Variants in YES1 observed in about 807,000 individuals in gnomAD.
YES1 encodes the protein YES proto-oncogene 1, Src family tyrosine kinase, also known as tyrosine-protein kinase Yes.
Under a neutral mutation model 70.4 loss-of-function variants are expected in YES1, and 39 were observed. That is an observed-to-expected ratio of 0.55 (90% CI 0.43 to 0.72). YES1 has a LOEUF of 0.72. Ranked by LOEUF, YES1 falls within the 30% of genes least tolerant of loss-of-function variation. The probability of loss-of-function intolerance (pLI) is 0.00; values close to 1 mark genes in which losing one functional copy is unlikely to be tolerated. For missense variants in YES1, 495 were observed against 644.8 expected (o/e 0.77, Z 2.52); for synonymous variants, 198 against 218.6 (o/e 0.91, Z 0.83).
chr18:756,582 T>C lies in YES1; in HGVS notation c.246A>G (p.Pro82=), dbSNP rs1233745586. Residue 82 remains proline (P), a synonymous_variant, in exon 2 of 12, where the codon CCA becomes CCG. Coordinates refer to ENST00000314574, the MANE Select transcript of YES1 (RefSeq NM_005433.4). ...CTGTTAAACCAGCAGGATATGAACTTGGCACCACTGAAAATGAGGAAGATG... is the reference window on the plus strand; with the variant it reads ...CTGTTAAACCAGCAGGATATGAACTCGGCACCACTGAAAATGAGGAAGATG... ...GGASSSFSVV[P]SSYPAGLTGG... 1 of 1,614,092 alleles carries C rather than the reference T, an allele frequency of 6.2e-7. No homozygotes were observed. The highest frequency in any genetic ancestry group is 1.3e-5 in the African/African-American group (1 of 74,934).
intron 1 of YES1, among the ~76,000 whole-genome samples, chr18:762,557 CATTT>C (rs1904646746): frequency 6.6e-6 from 1 of 151,942 alleles, no homozygotes; most frequent in Non-Finnish European, 1.5e-5. Flanking sequence ...AAAAATAAAA[CATTT>C]ATATGGAAAA....
intron 1 of YES1, among the ~76,000 whole-genome samples, chr18:765,919 T>G (rs8093865): frequency 0.39 from 58,561 of 152,044 alleles, 12,854 homozygotes; most frequent in African/African-American, 0.6. Flanking sequence ...TGAAGAATAA[T>G]AAGTGAGCCA....
intron 1 of YES1, among the ~76,000 whole-genome samples, chr18:765,954 T>G (rs1904888477): frequency 6.6e-6 from 1 of 152,208 alleles, no homozygotes; most frequent in Non-Finnish European, 1.5e-5. Flanking sequence ...CTTTGGAATA[T>G]CTTCATAAGT....
At chr18:757,311 G>C (rs184463769) in intron 1 of YES1, among the ~76,000 whole-genome samples, 1 of 151,748 alleles carries the variant, frequency 6.6e-6, no homozygotes, top group South Asian at 2.1e-4. Flanking sequence ...AGACCATCCT[G>C]GCTAACACGG....
chr18:748,917 T>C (rs1306309532), intron 3 of YES1, among the ~76,000 whole-genome samples: 1 of 152,128 alleles, frequency 6.6e-6, no homozygotes, highest in Non-Finnish European at 1.5e-5. Flanking sequence ...TCCCAGCACT[T>C]TGGGAGGCTG....
chr18:759,985 T>C (rs972969679), intron 1 of YES1, among the ~76,000 whole-genome samples: 19 of 151,990 alleles, frequency 1.3e-4, no homozygotes, highest in Non-Finnish European at 1.9e-4. Context: ...TTGTGATAGT[T>C]TGCTCAGAAT....
chr18:754,586 T>A (rs933749379), intron 2 of YES1, among the ~76,000 whole-genome samples: 5 of 151,890 alleles, frequency 3.3e-5, no homozygotes, highest in Non-Finnish European at 7.4e-5. Flanking sequence ...TGTTTGTTTC[T>A]TGTTATCTCA....
upstream of YES1, chr18:812,500 T>C (rs1254645888): frequency 6.6e-6 from 1 of 152,184 alleles, no homozygotes; most frequent in Non-Finnish European, 1.5e-5. Context: ...CCGGGCCGCT[T>C]TGCTGTGGTC....
chr18:759,451 GAACGAAACTCCGTCTCAAA>G (rs1232744770), intron 1 of YES1, among the ~76,000 whole-genome samples: 1 of 152,116 alleles, frequency 6.6e-6, no homozygotes, highest in African/African-American at 2.4e-5. Flanking sequence ...TGGGCGACAA[GAACGAAACTCCGTCTCAAA>G]AAACAAACAA....
At chr18:748,962 A>T (rs2080311023) in intron 3 of YES1, among the ~76,000 whole-genome samples, 1 of 152,052 alleles carries the variant, frequency 6.6e-6, no homozygotes. Context: ...AGAGTTCAAG[A>T]CCAGTCTGGT....
intron 1 of YES1, among the ~76,000 whole-genome samples, chr18:809,959 C>G (rs150513863): frequency 3.9e-5 from 6 of 152,090 alleles, no homozygotes; most frequent in African/African-American, 1.2e-4. Flanking sequence ...CTTCATAGAA[C>G]CACAGGTATT....
intron 10 of YES1, among the ~76,000 whole-genome samples, chr18:734,367 A>G (rs2080127200): frequency 6.6e-6 from 1 of 151,640 alleles, no homozygotes; most frequent in Non-Finnish European, 1.5e-5. Context: ...ATCCTGGCTA[A>G]TACGGTAAAA....
At chr18:728,999 G>T (rs1191602243) in intron 11 of YES1, among the ~76,000 whole-genome samples, 1 of 152,084 alleles carries the variant, frequency 6.6e-6, no homozygotes, top group Non-Finnish European at 1.5e-5. Flanking sequence ...ATATTTAGAA[G>T]ATTTTTAGCC....
chr18:758,031 C>T (rs1356874359), intron 1 of YES1, among the ~76,000 whole-genome samples: 1 of 151,870 alleles, frequency 6.6e-6, no homozygotes, highest in Non-Finnish European at 1.5e-5. Flanking sequence ...AGGACTATGT[C>T]AACAGAAATA....
Position 756,654 on chromosome 18 carries a change from G to A in YES1, c.174C>T (p.Ser58=). 2 of 1,614,170 alleles carry A rather than the reference G, an allele frequency of 1.2e-6. No homozygotes were observed. The highest frequency in any genetic ancestry group is 1.7e-6 in the Non-Finnish European group (2 of 1,180,030). The change falls in exon 2 of 12, where the codon TCC becomes TCT. Residue 58 remains serine (S), a synonymous_variant. Transcript: ENST00000314574. ...CTGAGGATCCTCCAAATGGTGTCAT[G>A]GAAAGACTGCTGAAATTAACTGCTG... The part of the protein sequence containing the change: ...KGTAVNFSSL[S]MTPFGGSSGV...
intron 11 of YES1, among the ~76,000 whole-genome samples, chr18:732,317 G>A (rs1441493929): frequency 6.6e-6 from 1 of 151,046 alleles, no homozygotes; most frequent in African/African-American, 2.4e-5. Context: ...GTGGGTGCCT[G>A]TAATCCCAGC....
intron 2 of YES1, among the ~76,000 whole-genome samples, chr18:753,089 T>TA (rs2080362769): frequency 6.6e-6 from 1 of 152,184 alleles, no homozygotes; most frequent in South Asian, 2.1e-4. Flanking sequence ...AAACAAATAA[T>TA]AAAACAGATG....
At chr18:761,108 C>A (rs1444955422) in intron 1 of YES1, among the ~76,000 whole-genome samples, 4 of 152,032 alleles carry the variant, frequency 2.6e-5, no homozygotes, top group Admixed American at 2.6e-4. Context: ...GATTTTGACT[C>A]AATATACTTA....
intron 2 of YES1, among the ~76,000 whole-genome samples, 173 bp downstream of exon 2, chr18:756,384 C>A (rs1395458685): frequency 6.6e-6 from 1 of 152,078 alleles, no homozygotes; most frequent in Non-Finnish European, 1.5e-5. Flanking sequence ...TTTCCAGAAC[C>A]ATACCCATGT....
Sources: gnomAD v4.1 joint callset for allele counts (sites outside exome capture counted in the v4.1 genomes callset) on GRCh38, gnomAD v4.1.1 for gene constraint, MANE v1.5 for transcripts, NCBI Gene and HGNC (gene_info 2026-07-23, HGNC 2026-07-21) for gene names.